Variants in STON2 observed in about 807,000 individuals in gnomAD.
STON2 encodes the protein stonin-2.
A neutral mutation model predicts 65.7 loss-of-function variants in STON2; 29 were observed. The observed-to-expected ratio is 0.44, with a 90% CI of 0.33 to 0.60. STON2 has a LOEUF of 0.60. Among genes scored for constraint, STON2 ranks in the 20% least tolerant of loss-of-function variants. The pLI is 0.03. For missense variants in STON2, 1,054 were observed against 1,118.1 expected, an observed-to-expected ratio of 0.94 and a Z score of 0.82; for synonymous variants, 404 against 414.2, an observed-to-expected ratio of 0.98 and a Z score of 0.30.
intron 3 of STON2, among the ~76,000 whole-genome samples, chr14:81,379,453 T>C (rs1038011894): frequency 2.0e-5 from 3 of 152,162 alleles, no homozygotes; most frequent in African/African-American, 7.2e-5. Context: ...ATTTAGAGAT[T>C]GAAAGATTTA....
At chr14:81,423,666 C>T (rs1901824429) in intron 2 of STON2, among the ~76,000 whole-genome samples, 1 of 152,188 alleles carries the variant, frequency 6.6e-6, no homozygotes, top group African/African-American at 2.4e-5. Context: ...GGGCATAAAA[C>T]CAAAACAGCC....
intron 5 of STON2, among the ~76,000 whole-genome samples, chr14:81,320,903 AC>A (rs1216769406): frequency 6.6e-6 from 1 of 152,186 alleles, no homozygotes; most frequent in African/African-American, 2.4e-5. Context: ...AACACACAAG[AC>A]CAGCAAATAA....
At chr14:81,343,080 A>AGTC (rs1475206849) in intron 4 of STON2, among the ~76,000 whole-genome samples, 1 of 152,146 alleles carries the variant, frequency 6.6e-6, no homozygotes, top group African/African-American at 2.4e-5. Context: ...ACCAGTACCG[A>AGTC]GGGTTTAGGA....
intron 4 of STON2, chr14:81,333,118 T>C (rs11624810): frequency 0.11 from 132,561 of 1,188,108 alleles, 8,641 homozygotes; most frequent in South Asian, 0.24. Flanking sequence ...CTTTGCATAA[T>C]CCAAGAAATC....
At chr14:81,369,282 T>C (rs1054510266) in intron 4 of STON2, among the ~76,000 whole-genome samples, 6 of 152,166 alleles carry the variant, frequency 3.9e-5, no homozygotes, top group Non-Finnish European at 5.9e-5. Context: ...TGATGCAAAC[T>C]ATGACACTGT....
At chr14:81,341,068 C>T (rs1350299751) in intron 4 of STON2, among the ~76,000 whole-genome samples, 1 of 152,128 alleles carries the variant, frequency 6.6e-6, no homozygotes, top group Non-Finnish European at 1.5e-5. Context: ...ACCTCACAGG[C>T]TGTAATTAAG....
chr14:81,326,975 T>G (rs569023823), intron 4 of STON2, among the ~76,000 whole-genome samples: 5 of 152,256 alleles, frequency 3.3e-5, no homozygotes, highest in Non-Finnish European at 7.4e-5. Context: ...GAAGCCAACA[T>G]GGCAAAACCC....
rs1209460391 is a variant in STON2 at position 81,261,544 on chromosome 14, C to A, written c.*6870G>T. On this transcript the variant is annotated 3_prime_UTR_variant, in exon 8 of 8. Coordinates refer to ENST00000614646, the MANE Select transcript of STON2 (RefSeq NM_001394390.1). ...ATGTTACTAAGAGACAACGAGGATA[C>A]AGAGGGGACTGTCCCTTTTCTCTCA... 1 of 365,960 alleles carries A rather than the reference C, an allele frequency of 2.7e-6. No homozygotes were observed. Among genetic ancestry groups the A allele is most frequent in the African/African-American group, 2.1e-5 (1 of 48,048 alleles). The allele number at this position is 365,960 out of a possible 1,614,324, so 22.7% of individuals were successfully genotyped here.
chr14:81,343,779 G>A (rs1179418688), intron 4 of STON2, among the ~76,000 whole-genome samples: 5 of 152,046 alleles, frequency 3.3e-5, no homozygotes, highest in African/African-American at 1.2e-4. Flanking sequence ...TATGTACCTG[G>A]TCTCACTTAA....
At chr14:81,395,791 T>A in intron 3 of STON2, 103 bp downstream of exon 3, 1 of 1,186,606 alleles carries the variant, frequency 8.4e-7, no homozygotes, top group Admixed American at 1.9e-5. Flanking sequence ...TGCTTCAGGG[T>A]TAGGGGGCAG....
Position 81,413,388 on chromosome 14 carries a change from G to A in STON2, c.-199+13714C>T. The A allele has an allele frequency of 5.2e-6, 3 of 577,504 alleles. 1 individual carries two copies. The highest frequency in any genetic ancestry group is 8.2e-6 in the Non-Finnish European group (3 of 365,776). 35.8% of individuals were successfully genotyped at this position (577,504 alleles called of 1,614,324 possible). ...TTGTGTTTTATACAGGGCATTCTCT[G>A]TACTAGTTTGTTGTGGTTACAAAAC... is the stretch of plus-strand genomic sequence containing the variant. On this transcript the variant is annotated intron_variant, in intron 2 of 8. Transcript: ENST00000553821.
intron 5 of STON2, among the ~76,000 whole-genome samples, chr14:81,319,010 G>A (rs1011486571): frequency 6.6e-6 from 1 of 152,172 alleles, no homozygotes; most frequent in African/African-American, 2.4e-5. Flanking sequence ...CCCCATCTCT[G>A]CCATCTCCAC....
chr14:81,345,813 T>C (rs1337465396), intron 4 of STON2, among the ~76,000 whole-genome samples: 1 of 152,138 alleles, frequency 6.6e-6, no homozygotes, highest in Non-Finnish European at 1.5e-5. Context: ...TACTTTGTTA[T>C]GGCAGCCTTA....
intron 5 of STON2, among the ~76,000 whole-genome samples, chr14:81,286,236 T>C (rs1212806409): frequency 1.3e-5 from 2 of 152,176 alleles, no homozygotes; most frequent in Non-Finnish European, 2.9e-5. Flanking sequence ...GCAGCAGGAT[T>C]TGAGAGGATT....
chr14:81,428,015 C>G (rs1042952792), intron 1 of STON2, among the ~76,000 whole-genome samples: 1 of 152,180 alleles, frequency 6.6e-6, no homozygotes, highest in Admixed American at 6.5e-5. Context: ...AAATGCTACT[C>G]CTCATGTAAT....
chr14:81,315,571 T>C (rs955131748), intron 5 of STON2, among the ~76,000 whole-genome samples: 4 of 152,248 alleles, frequency 2.6e-5, no homozygotes, highest in African/African-American at 9.6e-5. Flanking sequence ...AGAATGTGAT[T>C]CCAGCAGCTC....
At chr14:81,417,688 G>A (rs1007735225) in intron 2 of STON2, among the ~76,000 whole-genome samples, 13 of 152,254 alleles carry the variant, frequency 8.5e-5, no homozygotes, top group African/African-American at 1.4e-4. Context: ...GAAAAATTAC[G>A]GGTGAAAAGT....
At chr14:81,328,635 T>C (rs751020163) in intron 4 of STON2, among the ~76,000 whole-genome samples, 3 of 152,128 alleles carry the variant, frequency 2.0e-5, no homozygotes, top group Non-Finnish European at 4.4e-5. Context: ...CCAAATCTCA[T>C]ACTGAAATTG....
At chr14:81,382,641 G>T (rs1899583515) in intron 3 of STON2, among the ~76,000 whole-genome samples, 1 of 152,142 alleles carries the variant, frequency 6.6e-6, no homozygotes, top group African/African-American at 2.4e-5. Flanking sequence ...ATTAAACTGG[G>T]TGATGGGTTG....
Sources: gnomAD v4.1 joint callset for allele counts (sites outside exome capture counted in the v4.1 genomes callset) on GRCh38, gnomAD v4.1.1 for gene constraint, MANE v1.5 for transcripts, NCBI Gene and HGNC (gene_info 2026-07-23, HGNC 2026-07-21) for gene names.